FBXL7: variants seen among roughly 807,000 people sequenced by gnomAD.
The protein encoded by FBXL7 is F-box and leucine rich repeat protein 7.
A neutral mutation model predicts 38.3 loss-of-function variants in FBXL7; 12 were observed. The ratio of observed to expected loss-of-function variants is 0.31; its 90% CI spans 0.20 to 0.51. FBXL7 has a LOEUF of 0.51. FBXL7 is among the 20% of genes least tolerant of loss of function. The pLI is 0.98. For missense variants in FBXL7, 567 were observed against 676.4 expected, an observed-to-expected ratio of 0.84 and a Z score of 1.79; for synonymous variants, 297 against 300.9, an observed-to-expected ratio of 0.99 and a Z score of 0.13.
chr5:15,921,851 T>C (rs930686450), intron 2 of FBXL7, among the ~76,000 whole-genome samples: 17 of 152,130 alleles, frequency 1.1e-4, no homozygotes, highest in Middle Eastern at 3.2e-3. Flanking sequence ...ATAATAAGTG[T>C]GACAGGGTGT....
At chr5:15,849,471 GT>G (rs1739027258) in intron 2 of FBXL7, among the ~76,000 whole-genome samples, 1 of 152,182 alleles carries the variant, frequency 6.6e-6, no homozygotes, top group African/African-American at 2.4e-5. Context: ...TGTGGGAGTG[GT>G]TTCCCCCATA....
At chr5:15,785,000 A>G (rs190737417) in intron 2 of FBXL7, among the ~76,000 whole-genome samples, 1 of 152,174 alleles carries the variant, frequency 6.6e-6, no homozygotes, top group East Asian at 1.9e-4. Flanking sequence ...GTCTCCATTC[A>G]TCTGAGGGTT....
At chr5:15,760,616 C>CT (rs1318002399) in intron 2 of FBXL7, among the ~76,000 whole-genome samples, 3 of 152,110 alleles carry the variant, frequency 2.0e-5, no homozygotes, top group African/African-American at 7.2e-5. Flanking sequence ...GATGTGAAAA[C>CT]TAAGGGATGA....
intron 1 of FBXL7, among the ~76,000 whole-genome samples, chr5:15,612,802 A>T (rs528833203): frequency 2.0e-5 from 3 of 152,302 alleles, no homozygotes; most frequent in Admixed American, 2.0e-4. Context: ...AGTGATATGC[A>T]GGTTGAGTCC....
At chr5:15,542,315 G>A (rs1346602825) in intron 1 of FBXL7, among the ~76,000 whole-genome samples, 2 of 151,978 alleles carry the variant, frequency 1.3e-5, no homozygotes, top group East Asian at 3.8e-4. Flanking sequence ...TTCTACATGT[G>A]ATACAGTGTG....
chr5:15,508,967 C>T lies in FBXL7; in HGVS notation c.37+8254C>T, dbSNP rs1414698388. On this transcript the variant is annotated intron_variant, in intron 1 of 3. Transcript: ENST00000504595. ...ATACCAAGTAAACTTACAGCGTTAT[C>T]GTTACTTTTATTACTGCCCTAAAAC... 2.0e-5 allele frequency among the ~76,000 whole-genome samples: 3 copies of T among 152,142 alleles called. 1 individual carries two copies. Among genetic ancestry groups the T allele is most frequent in the Admixed American group, 6.5e-5 (1 of 15,276 alleles).
chr5:15,669,181 A>T (rs1043107192), intron 2 of FBXL7, among the ~76,000 whole-genome samples: 3 of 152,060 alleles, frequency 2.0e-5, no homozygotes, highest in Non-Finnish European at 2.9e-5. Flanking sequence ...CCTATCAATA[A>T]TTTTTTTTAA....
intron 2 of FBXL7, among the ~76,000 whole-genome samples, chr5:15,836,989 T>C (rs901720871): frequency 2.0e-5 from 3 of 152,196 alleles, no homozygotes; most frequent in Non-Finnish European, 4.4e-5. Context: ...CCAGACTTTG[T>C]GTTTTTAGTC....
chr5:15,722,661 G>C (rs1426745489), intron 2 of FBXL7, among the ~76,000 whole-genome samples: 2 of 152,204 alleles, frequency 1.3e-5, no homozygotes, highest in Admixed American at 1.3e-4. Flanking sequence ...CTTTGCTCAT[G>C]TCTGTAATCC....
chr5:15,715,489 CA>C lies in FBXL7; in HGVS notation c.127+99440del, dbSNP rs1157372026. 9.4e-3 allele frequency among the ~76,000 whole-genome samples: 708 copies of C among 75,260 alleles called. 1 individual carries two copies. The highest frequency in any genetic ancestry group is 0.039 in the East Asian group (85 of 2,162). 49.4% of individuals were successfully genotyped at this position (75,260 alleles called of 152,430 possible). A position where few individuals can be genotyped will look rare whatever the true frequency, so the allele number is the denominator to read the frequency against. ...CTGGTGACAGAGCGAGACTCCGTCT[CA>C]AAAAAAAAAAAAAAAAAAAAAAGTA... On this transcript the variant is annotated intron_variant, in intron 2 of 3. Coordinates refer to ENST00000504595, the MANE Select transcript of FBXL7 (RefSeq NM_012304.5).
intron 2 of FBXL7, among the ~76,000 whole-genome samples, chr5:15,830,525 C>CACACAT: frequency 6.9e-6 from 1 of 144,736 alleles, no homozygotes; most frequent in South Asian, 2.2e-4. Flanking sequence ...CACACACACA[C>CACACAT]GGAAAATTTT....
chr5:15,543,149 T>C (rs1363366048), intron 1 of FBXL7, among the ~76,000 whole-genome samples: 1 of 152,150 alleles, frequency 6.6e-6, no homozygotes, highest in African/African-American at 2.4e-5. Flanking sequence ...AATAAAGACA[T>C]ACCTGAGACT....
chr5:15,646,781 C>T (rs1031977047), intron 2 of FBXL7, among the ~76,000 whole-genome samples: 1 of 152,112 alleles, frequency 6.6e-6, no homozygotes, highest in African/African-American at 2.4e-5. Flanking sequence ...ATATGAGTCT[C>T]GGAGATTTAG....
Position 15,802,674 on chromosome 5 carries a change from G to C in FBXL7, c.128-125216G>C, listed in dbSNP as rs550312427. 2.6e-3 allele frequency among the ~76,000 whole-genome samples: 381 copies of C among 147,864 alleles called. 1 individual carries two copies. The highest frequency in any genetic ancestry group is 4.3e-3 in the Non-Finnish European group (287 of 67,294). On this transcript the variant is annotated intron_variant, in intron 2 of 3. Transcript: ENST00000504595. ...CATCATCCTTTTTTTTTTTTTTAAA[G>C]ACAGAGTCTCATGCTGTTGTCCAGG...
At chr5:15,825,930 G>A (rs570369119) in intron 2 of FBXL7, among the ~76,000 whole-genome samples, 2 of 152,316 alleles carry the variant, frequency 1.3e-5, no homozygotes, top group South Asian at 2.1e-4. Context: ...GCAAACCCGG[G>A]TTTCATTGAT....
chr5:15,891,819 A>G (rs1167657242), intron 2 of FBXL7, among the ~76,000 whole-genome samples: 1 of 152,256 alleles, frequency 6.6e-6, no homozygotes, highest in Non-Finnish European at 1.5e-5. Flanking sequence ...GACTAGCTAC[A>G]GTAGGAAGCT....
At chr5:15,527,983 G>A (rs1360205268) in intron 1 of FBXL7, among the ~76,000 whole-genome samples, 1 of 152,184 alleles carries the variant, frequency 6.6e-6, no homozygotes, top group Non-Finnish European at 1.5e-5. Context: ...CATTTCAACA[G>A]TTGACCATCA....
intron 2 of FBXL7, among the ~76,000 whole-genome samples, chr5:15,653,076 C>T (rs1580435870): frequency 6.6e-6 from 1 of 152,192 alleles, no homozygotes; most frequent in Non-Finnish European, 1.5e-5. Context: ...TGAAGTTCGC[C>T]ATCTTATGTA....
intron 2 of FBXL7, among the ~76,000 whole-genome samples, chr5:15,922,268 C>T (rs1741763132): frequency 6.6e-6 from 1 of 151,690 alleles, no homozygotes; most frequent in Admixed American, 6.6e-5. Flanking sequence ...TAAAAAGGCA[C>T]CTGCTCTACA....
Sources: allele counts gnomAD v4.1 joint callset (sites outside exome capture counted in the v4.1 genomes callset), GRCh38; gene constraint gnomAD v4.1.1; transcripts MANE v1.5; gene names NCBI Gene and HGNC (gene_info 2026-07-23, HGNC 2026-07-21).